Variants in SPATA3 observed in about 807,000 individuals in gnomAD.
SPATA3 encodes spermatogenesis associated 3, also known as spermatogenesis-associated protein 3.
Under a neutral mutation model 5.7 loss-of-function variants are expected in SPATA3, and 6 were observed. The observed-to-expected ratio is 1.06, with a 90% CI of 0.58 to 2.09. SPATA3 has a LOEUF of 2.09. SPATA3 is among the 30% of genes most tolerant of loss of function. The pLI, the probability that SPATA3 is intolerant of heterozygous loss-of-function variation, is 0.00. For missense variants in SPATA3, 155 were observed against 130.4 expected, an observed-to-expected ratio of 1.19 and a Z score of -0.92; for synonymous variants, 44 against 48.4, an observed-to-expected ratio of 0.91 and a Z score of 0.37.
rs113515269 is a variant in SPATA3, at chr2:231,000,548, C to T, written c.962+11C>T. On this transcript the variant is annotated intron_variant, in intron 2 of 2. Coordinates refer to ENST00000645363, the Ensembl canonical transcript of SPATA3. ...GCTCACCTTCTACAGGTTCCAAGCG[C>T]GAGGGGCTGGAGCCTCGGGGCACAC... The T allele has an allele frequency of 5.7e-3, 8,622 of 1,505,072 alleles. 61 individuals are homozygous for T. Among genetic ancestry groups the T allele is most frequent in the Middle Eastern group, 0.023 (131 of 5,794 alleles). The allele number at this position is 1,505,072 out of a possible 1,614,324, so 93.2% of individuals were successfully genotyped here. A position where few individuals can be genotyped will look rare whatever the true frequency, so the allele number is the denominator to read the frequency against.
chr2:231,015,699 A>T (rs1043598374), intron 6 of SPATA3, among the ~76,000 whole-genome samples: 1 of 152,206 alleles, frequency 6.6e-6, no homozygotes, highest in African/African-American at 2.4e-5. Context: ...CTCGGCCTGC[A>T]GCTGTGGGGG....
chr2:231,012,678 G>C (rs1360024172), exon 5 of SPATA3: 2 of 152,158 alleles, frequency 1.3e-5, no homozygotes, highest in East Asian at 1.9e-4. Context: ...AAGAGACTTG[G>C]GCTACTGCCA....
downstream of SPATA3, among the ~76,000 whole-genome samples, chr2:231,009,724 C>G (rs1692734290): frequency 6.6e-6 from 1 of 152,256 alleles, no homozygotes; most frequent in Non-Finnish European, 1.5e-5. Context: ...TCTGTTGACA[C>G]ATCCGCTACT....
At chr2:231,003,013 A>T (rs1381504067), downstream of SPATA3, among the ~76,000 whole-genome samples, 1 of 152,150 alleles carries the variant, frequency 6.6e-6, no homozygotes, top group African/African-American at 2.4e-5. Flanking sequence ...TCATCTAAAC[A>T]GAGCCCCCAC....
chr2:230,998,497 G>T (rs1387872927), intron 1 of SPATA3, among the ~76,000 whole-genome samples: 1 of 152,200 alleles, frequency 6.6e-6, no homozygotes, highest in Non-Finnish European at 1.5e-5. Flanking sequence ...AACAGGCAAA[G>T]CAAGAAAGCA....
chr2:231,000,486 A>C (rs1574657826), exon 2 of SPATA3: 1 of 1,549,448 alleles, frequency 6.5e-7, no homozygotes, highest in Non-Finnish European at 8.7e-7. Flanking sequence ...CTGCCTCGGG[A>C]CTGGCAGATG....
chr2:231,017,060 C>A (rs1692954848), intron 6 of SPATA3, among the ~76,000 whole-genome samples: 1 of 152,136 alleles, frequency 6.6e-6, no homozygotes, highest in South Asian at 2.1e-4. Context: ...GCATCATATG[C>A]CTGTTTCGTA....
downstream of SPATA3, among the ~76,000 whole-genome samples, chr2:231,005,313 CCAT>C (rs1559197657): frequency 4.0e-4 from 18 of 44,968 alleles, no homozygotes; most frequent in South Asian, 2.3e-3. Context: ...ACCATCACCA[CCAT>C]CATCATCACC....
At chr2:231,008,197 A>C (rs547494634), downstream of SPATA3, among the ~76,000 whole-genome samples, 125 of 152,032 alleles carry the variant, frequency 8.2e-4, no homozygotes, top group African/African-American at 2.9e-3. Flanking sequence ...GGCATTTGTA[A>C]CCTGTTGGTC....
chr2:231,019,181 G>T (rs1055461968), intron 6 of SPATA3, among the ~76,000 whole-genome samples: 2 of 151,382 alleles, frequency 1.3e-5, no homozygotes, highest in African/African-American at 4.9e-5. Flanking sequence ...ATGTTAGCCA[G>T]GATGGTCTCG....
intron 5 of SPATA3, among the ~76,000 whole-genome samples, chr2:231,013,678 C>T (rs781395308): frequency 7.2e-5 from 11 of 151,992 alleles, no homozygotes; most frequent in East Asian, 1.9e-4. Flanking sequence ...TCAGTAGAGA[C>T]GGGGCTTCAC....
chr2:231,000,311 G>T (rs914007591), intron 1 of SPATA3, 55 bp from the exon 2 acceptor site: 4 of 1,386,796 alleles, frequency 2.9e-6, no homozygotes, highest in Non-Finnish European at 3.8e-6. Flanking sequence ...AGACTCCCCC[G>T]CCCCAGCCTC....
chr2:231,009,794 A>G (rs1692736343), downstream of SPATA3, among the ~76,000 whole-genome samples: 3 of 132,966 alleles, frequency 2.3e-5, no homozygotes. Context: ...TTCCCAGCAC[A>G]TTGCAGACTC....
At chr2:230,996,329 C>CCCTGAATCCACACCACAGCAGCCTAGT (rs759385913) in intron 1 of SPATA3, 5 of 350,200 alleles carry the variant, frequency 1.4e-5, no homozygotes, top group African/African-American at 9.9e-5. Flanking sequence ...AGCAGCCTAG[C>CCCTGAATCCACACCACAGCAGCCTAGT]CCTGAATCCA....
chr2:231,005,984 C>A (rs1394954497), downstream of SPATA3, among the ~76,000 whole-genome samples: 5 of 119,210 alleles, frequency 4.2e-5, no homozygotes, highest in South Asian at 2.7e-4. Context: ...GGTAACATAC[C>A]AAGACCTTGT....
intron 1 of SPATA3, among the ~76,000 whole-genome samples, chr2:230,997,154 C>T (rs1027656432): frequency 6.6e-6 from 1 of 152,110 alleles, no homozygotes; most frequent in Non-Finnish European, 1.5e-5. Flanking sequence ...TCTTGAATTC[C>T]CAGGTGTTGT....
chr2:231,009,142 C>T (rs1692715574), downstream of SPATA3, among the ~76,000 whole-genome samples: 1 of 152,176 alleles, frequency 6.6e-6, no homozygotes, highest in Non-Finnish European at 1.5e-5. Context: ...TCTCCAACTG[C>T]AGTGTGGGTA....
intron 6 of SPATA3, among the ~76,000 whole-genome samples, chr2:231,016,442 C>A (rs1692938835): frequency 6.9e-6 from 1 of 144,460 alleles, no homozygotes; most frequent in Non-Finnish European, 1.5e-5. Flanking sequence ...AATCCCAGCA[C>A]TTTGGGAAGC....
intron 6 of SPATA3, among the ~76,000 whole-genome samples, chr2:231,014,939 A>G (rs552079673): frequency 3.3e-5 from 5 of 152,298 alleles, no homozygotes; most frequent in African/African-American, 1.2e-4. Flanking sequence ...CAGAGCAAAG[A>G]TGATCCAGGG....
Sources: gnomAD v4.1 joint callset for allele counts (sites outside exome capture counted in the v4.1 genomes callset) on GRCh38, gnomAD v4.1.1 for gene constraint, MANE v1.5 for transcripts, NCBI Gene and HGNC (gene_info 2026-07-23, HGNC 2026-07-21) for gene names.